The following CAAP1 variants were observed in gnomAD, a reference collection of about 807,000 sequenced individuals.
CAAP1 encodes the protein caspase activity and apoptosis inhibitor 1.
CAAP1 carries 20 observed loss-of-function variants against 34.0 expected under a neutral mutation model. That is an observed-to-expected ratio of 0.59 (90% CI 0.41 to 0.86). The LOEUF is 0.86. CAAP1 is among the 40% of genes least tolerant of loss of function. The probability of loss-of-function intolerance (pLI) is 0.00; values close to 1 mark genes in which losing one functional copy is unlikely to be tolerated. For synonymous variants in CAAP1, 213 were observed against 166.7 expected (o/e 1.28, Z -2.14); for missense variants, 538 against 450.5 (o/e 1.19, Z -1.76).
At chr9:26,872,789 A>G (rs1233999436) in intron 4 of CAAP1, among the ~76,000 whole-genome samples, 1 of 152,180 alleles carries the variant, frequency 6.6e-6, no homozygotes, top group African/African-American at 2.4e-5. Flanking sequence ...ATATTTAAAT[A>G]TTCTCATGGA....
intron 4 of CAAP1, among the ~76,000 whole-genome samples, chr9:26,880,021 C>T (rs901934605): frequency 2.7e-5 from 4 of 150,102 alleles, no homozygotes; most frequent in South Asian, 2.1e-4. Flanking sequence ...TAGAGAACCC[C>T]GACTAATACA....
In CAAP1 at chr9:26,846,295, T is replaced by G. The variant is rs560689838; in HGVS notation, c.740-3648A>C. ...AGCCGAGCGTGGTGGCGGGTGCCTGTAATCCCAGCTACTATGGAGGCTGAG... is the reference window on the plus strand; with the variant it reads ...AGCCGAGCGTGGTGGCGGGTGCCTGGAATCCCAGCTACTATGGAGGCTGAG... On this transcript the variant is annotated intron_variant, in intron 5 of 5. Transcript: ENST00000333916. Among the ~76,000 whole-genome samples the G allele has an allele frequency of 9.2e-5, 14 of 151,408 alleles. No individual in the cohort carries two copies. The South Asian group carries it at 2.7e-3, about 29-fold the overall frequency.
At chr9:26,866,782 T>G (rs980560215) in intron 4 of CAAP1, among the ~76,000 whole-genome samples, 1 of 152,190 alleles carries the variant, frequency 6.6e-6, no homozygotes, top group Non-Finnish European at 1.5e-5. Context: ...GCTTGGTGAC[T>G]GAAAAACAAT....
intron 4 of CAAP1, among the ~76,000 whole-genome samples, chr9:26,884,047 T>C (rs17755911): frequency 0.037 from 5,564 of 152,318 alleles, 167 homozygotes; most frequent in South Asian, 0.1. Context: ...TACTACTGCC[T>C]GTGACACAAG....
At chr9:26,848,540 ATGTT>A (rs1385289579) in intron 5 of CAAP1, among the ~76,000 whole-genome samples, 1 of 152,204 alleles carries the variant, frequency 6.6e-6, no homozygotes, top group Non-Finnish European at 1.5e-5. Flanking sequence ...TAGTTCTTAT[ATGTT>A]TGTTTACTTT....
At position 26,849,841 on chromosome 9, in the gene CAAP1, A is replaced by AT. The variant is rs758588539; in HGVS notation, c.740-7195dup. ...TATGATTACTTCTAATAGTAAAACA[A>AT]TTTTTTTTTTTTTTTGAGATGGAGT... On this transcript the variant is annotated intron_variant, in intron 5 of 5. Coordinates refer to ENST00000333916, the MANE Select transcript of CAAP1 (RefSeq NM_024828.4). 4.8e-3 allele frequency among the ~76,000 whole-genome samples: 693 copies of AT among 143,616 alleles called. 2 individuals are homozygous for AT. Among genetic ancestry groups the AT allele is most frequent in the African/African-American group, 0.01 (406 of 39,394 alleles). The allele number at this position is 143,616 out of a possible 152,430, so 94.2% of individuals were successfully genotyped here. A position where few individuals can be genotyped will look rare whatever the true frequency, so the allele number is the denominator to read the frequency against.
In CAAP1 at chr9:26,842,252, G is replaced by A. The variant is rs766322512; in HGVS notation, c.*49C>T. The A allele has an allele frequency of 5.8e-6, 8 of 1,384,020 alleles. No individual in the cohort carries two copies. The highest frequency in any genetic ancestry group is 7.8e-6 in the Non-Finnish European group (8 of 1,020,156). The allele number at this position is 1,384,020 out of a possible 1,614,324, so 85.7% of individuals were successfully genotyped here. The stretch of plus-strand genomic sequence containing the variant: ...ATAAATTTTAGATACAAAATTAAAT[G>A]ATGTGGCTTTGTTCAAACATACCTA... On this transcript the variant is annotated 3_prime_UTR_variant, in exon 6 of 6. Transcript: ENST00000333916.
At chr9:26,862,177 C>T (rs779472114) in intron 4 of CAAP1, among the ~76,000 whole-genome samples, 13 of 152,032 alleles carry the variant, frequency 8.6e-5, no homozygotes, top group Non-Finnish European at 1.6e-4. Flanking sequence ...TGGCAGGTCC[C>T]AAGGAGGATA....
Position 26,886,115 on chromosome 9 carries a change from T to C in CAAP1, c.578A>G (p.Lys193Arg), listed in dbSNP as rs1823732693. Residue 193 changes from lysine (K) to arginine (R), a missense_variant, in exon 3 of 6, where the codon AAG becomes AGG. Physicochemically the swap from Lys to Arg is conservative, Grantham distance 26 (BLOSUM62 2). Transcript: ENST00000333916. ...LELLSEKKIL[K>R]ILEGDNGMDS... The stretch of plus-strand genomic sequence containing the variant: ...ATATGTATTCTTACCCTCAAGAATC[T>C]TCAAAATTTTTTTTTCAGACAGGAG... 5 of 1,546,992 alleles carry C rather than the reference T, an allele frequency of 3.2e-6. No homozygotes were observed. The East Asian group carries it at 1.2e-4, about 36-fold the overall frequency.
chr9:26,847,717 T>C (rs12001976), intron 5 of CAAP1, among the ~76,000 whole-genome samples: 5,679 of 152,202 alleles, frequency 0.037, 143 homozygotes, highest in East Asian at 0.1. Flanking sequence ...TCCTGTCTTA[T>C]AATTTTATTT....
At chr9:26,891,464 T>G (rs1587134336) in intron 1 of CAAP1, among the ~76,000 whole-genome samples, 1 of 152,256 alleles carries the variant, frequency 6.6e-6, no homozygotes, top group African/African-American at 2.4e-5. Context: ...CATTCATAAG[T>G]TTTTAATAGC....
At chr9:26,844,279 C>T (rs1256714417) in intron 5 of CAAP1, among the ~76,000 whole-genome samples, 2 of 152,150 alleles carry the variant, frequency 1.3e-5, no homozygotes, top group Admixed American at 6.5e-5. Context: ...ATCACTTGAA[C>T]CTGGGAGGCG....
chr9:26,887,307 A>C lies in CAAP1; in HGVS notation c.504+6T>G. On this transcript the variant is annotated splice_donor_region_variant and intron_variant, in intron 2 of 5. Coordinates refer to ENST00000333916, the MANE Select transcript of CAAP1 (RefSeq NM_024828.4). ...TATGTATCTAGTCTGATGTGTAATG[A>C]AGTACCTTTAACACATCAGGAAGCA... 6.5e-7 allele frequency: 1 copy of C among 1,544,066 alleles called. No individual in the cohort carries two copies.
Position 26,842,311 on chromosome 9 carries a change from T to C in CAAP1, c.1076A>G (p.Lys359Arg). The C allele has an allele frequency of 1.9e-6, 3 of 1,565,880 alleles. No homozygotes were observed. Among genetic ancestry groups the C allele is most frequent in the Non-Finnish European group, 2.6e-6 (3 of 1,158,258 alleles). Residue 359 changes from lysine (K) to arginine (R), a missense_variant, in exon 6 of 6, where the codon AAG (lysine) becomes AGG (arginine). Around this residue, in one of 3 missense-constraint regions of CAAP1, gnomAD observed 18 missense variants for 22.3 expected, o/e 0.81. Coordinates refer to ENST00000333916, the MANE Select transcript of CAAP1 (RefSeq NM_024828.4). ...KALMKAGDIK[K>R]PA is the part of the protein sequence containing the mutation. The stretch of plus-strand genomic sequence containing the variant: ...AATCAAGTTAAATACCTAGGCTGGC[T>C]TTTTTATATCACCAGCTTTCATTAG...
chr9:26,892,313 G>C (rs569464792), intron 1 of CAAP1, 100 bp downstream of exon 1: 1 of 1,545,842 alleles, frequency 6.5e-7, no homozygotes, highest in Non-Finnish European at 8.7e-7. Context: ...AGATTGCCGC[G>C]CTAGCAGTGA....
At chr9:26,875,370 A>G (rs1159403226) in intron 4 of CAAP1, among the ~76,000 whole-genome samples, 1 of 152,136 alleles carries the variant, frequency 6.6e-6, no homozygotes, top group Non-Finnish European at 1.5e-5. Context: ...TGGGCAACAG[A>G]GTGAGACCCT....
intron 4 of CAAP1, among the ~76,000 whole-genome samples, chr9:26,861,838 C>A (rs1045901906): frequency 7.9e-5 from 12 of 152,082 alleles, no homozygotes; most frequent in Admixed American, 6.6e-5. Context: ...TATCCTAAAG[C>A]TAACATACTA....
chr9:26,842,746 C>T, intron 5 of CAAP1, 99 bp from the exon 6 acceptor site: 2 of 941,752 alleles, frequency 2.1e-6, no homozygotes, highest in Non-Finnish European at 3.1e-6. Context: ...TCCCACCTCC[C>T]ACTATGGAGT....
intron 5 of CAAP1, among the ~76,000 whole-genome samples, chr9:26,849,418 T>C (rs1822689596): frequency 6.6e-6 from 1 of 152,204 alleles, no homozygotes. Context: ...TATCGTATCT[T>C]CTTGTTTCTT....
Sources: allele counts gnomAD v4.1 joint callset (sites outside exome capture counted in the v4.1 genomes callset), GRCh38; gene constraint gnomAD v4.1.1; regional missense constraint gnomAD v4.1.1; transcripts MANE v1.5; gene names NCBI Gene and HGNC (gene_info 2026-07-23, HGNC 2026-07-21).